HDAC9: variants seen among roughly 807,000 people sequenced by gnomAD.
HDAC9 encodes MEF-2 interacting transcription repressor (MITR) protein.
In HDAC9, 41 loss-of-function variants were observed where a neutral mutation model predicts 139.4. The observed-to-expected ratio is 0.29, with a 90% CI of 0.23 to 0.38. The LOEUF is 0.38. Ranked by LOEUF, HDAC9 falls within the 10% of genes least tolerant of loss-of-function variation. The pLI, the probability that HDAC9 is intolerant of heterozygous loss-of-function variation, is 1.00. For synonymous variants in HDAC9, 517 were observed against 476.2 expected (o/e 1.09, Z -1.12); for missense variants, 1,147 against 1,297.0 (o/e 0.88, Z 1.78).
intron 1 of HDAC9, among the ~76,000 whole-genome samples, chr7:18,450,277 C>A (rs765754881): frequency 6.6e-6 from 1 of 152,194 alleles, no homozygotes; most frequent in African/African-American, 2.4e-5. Context: ...GTGCCTGGTT[C>A]TAATTATTAC....
chr7:18,164,253 A>G (rs2128128813), intron 2 of HDAC9, among the ~76,000 whole-genome samples: 1 of 152,148 alleles, frequency 6.6e-6, no homozygotes. Flanking sequence ...ATGATCAGAG[A>G]CCTGAAATTC....
At chr7:18,610,097 C>G (rs1434767952) in intron 6 of HDAC9, among the ~76,000 whole-genome samples, 1 of 152,162 alleles carries the variant, frequency 6.6e-6, no homozygotes, top group Non-Finnish European at 1.5e-5. Context: ...AAGACACACG[C>G]ACACATATGT....
intron 12 of HDAC9, among the ~76,000 whole-genome samples, chr7:18,691,803 A>G (rs1782693239): frequency 6.6e-6 from 1 of 152,082 alleles, no homozygotes; most frequent in Non-Finnish European, 1.5e-5. Context: ...GCAGTGGTCA[A>G]AGAGGAAACC....
chr7:18,194,195 A>T (rs1790571440), intron 2 of HDAC9, among the ~76,000 whole-genome samples: 1 of 152,114 alleles, frequency 6.6e-6, no homozygotes, highest in South Asian at 2.1e-4. Context: ...ATTAAACATG[A>T]TATTTTGTAG....
chr7:18,878,767 C>A (rs554449060), intron 22 of HDAC9, among the ~76,000 whole-genome samples: 2 of 151,736 alleles, frequency 1.3e-5, no homozygotes, highest in African/African-American at 4.9e-5. Flanking sequence ...AAGATGCCTT[C>A]TCTCTACCAC....
chr7:18,171,758 C>G (rs2697915), intron 2 of HDAC9, among the ~76,000 whole-genome samples: 3,635 of 151,766 alleles, frequency 0.024, 147 homozygotes, highest in African/African-American at 0.082. Context: ...TTATTGATTT[C>G]CGTATGTTGA....
intron 1 of HDAC9, among the ~76,000 whole-genome samples, chr7:18,365,514 A>G (rs548827121): frequency 6.6e-6 from 1 of 152,202 alleles, no homozygotes; most frequent in East Asian, 1.9e-4. Flanking sequence ...GTGATGAATC[A>G]TTTTTGCAGT....
intron 2 of HDAC9, among the ~76,000 whole-genome samples, chr7:18,214,498 A>G (rs1488422478): frequency 6.6e-6 from 1 of 152,124 alleles, no homozygotes; most frequent in Non-Finnish European, 1.5e-5. Flanking sequence ...GATGAATTAT[A>G]ACTGATGTGC....
At chr7:18,215,158 CCAAA>C (rs1398758207) in intron 2 of HDAC9, among the ~76,000 whole-genome samples, 8 of 152,212 alleles carry the variant, frequency 5.3e-5, no homozygotes, top group Admixed American at 3.3e-4. Flanking sequence ...AATTTTATAT[CCAAA>C]CAATTACTGA....
chr7:18,950,223 C>A (rs1782697884), intron 23 of HDAC9, among the ~76,000 whole-genome samples: 1 of 152,050 alleles, frequency 6.6e-6, no homozygotes, highest in Non-Finnish European at 1.5e-5. Context: ...ATTGGCATGG[C>A]CATTCTGCCT....
intron 1 of HDAC9, among the ~76,000 whole-genome samples, chr7:18,135,225 A>G (rs928420045): frequency 1.5e-4 from 22 of 151,300 alleles, no homozygotes; most frequent in Non-Finnish European, 7.4e-5. Flanking sequence ...TCTTAGGAAG[A>G]TAATTGTGTT....
At chr7:18,689,232 A>G (rs539798415) in intron 12 of HDAC9, among the ~76,000 whole-genome samples, 2 of 120,420 alleles carry the variant, frequency 1.7e-5, no homozygotes, top group Admixed American at 1.0e-4. Context: ...TGCAACTTCC[A>G]AATGAATACA....
intron 2 of HDAC9, among the ~76,000 whole-genome samples, chr7:18,521,589 C>G (rs1034802010): frequency 1.3e-5 from 2 of 152,096 alleles, no homozygotes; most frequent in Non-Finnish European, 2.9e-5. Context: ...TCCCAAATGG[C>G]ATTTATCACC....
At chr7:18,877,770 G>A (rs113524625) in intron 22 of HDAC9, among the ~76,000 whole-genome samples, 1,743 of 152,180 alleles carry the variant, frequency 0.011, 36 homozygotes, top group African/African-American at 0.039. Flanking sequence ...ATATAGAGGT[G>A]ATTTAAAATT....
chr7:18,967,941 T>C (rs1445683530), intron 24 of HDAC9, among the ~76,000 whole-genome samples: 1 of 152,064 alleles, frequency 6.6e-6, no homozygotes, highest in Non-Finnish European at 1.5e-5. Flanking sequence ...GGCGGGCGGA[T>C]CACCTGGGGT....
chr7:18,901,774 A>G (rs1006973053), intron 22 of HDAC9, among the ~76,000 whole-genome samples: 26 of 152,162 alleles, frequency 1.7e-4, no homozygotes, highest in African/African-American at 5.3e-4. Flanking sequence ...TTGTTTCCAT[A>G]TATCAGTCCA....
chr7:18,792,969 T>G (rs1211751536), intron 16 of HDAC9, among the ~76,000 whole-genome samples: 1 of 152,164 alleles, frequency 6.6e-6, no homozygotes, highest in Non-Finnish European at 1.5e-5. Context: ...CTCTTAGTTT[T>G]TACTCTATCT....
At chr7:18,636,119 G>A (rs963703700) in intron 8 of HDAC9, among the ~76,000 whole-genome samples, 1 of 152,042 alleles carries the variant, frequency 6.6e-6, no homozygotes, top group Non-Finnish European at 1.5e-5. Flanking sequence ...TGAGTTTTGA[G>A]CTTTGGTTTT....
chr7:18,691,872 G>A (rs1303369934), intron 12 of HDAC9, among the ~76,000 whole-genome samples: 1 of 151,990 alleles, frequency 6.6e-6, no homozygotes, highest in Non-Finnish European at 1.5e-5. Context: ...TATGACCTTG[G>A]CATACCAGAG....
Sources: gnomAD v4.1 joint callset for allele counts (sites outside exome capture counted in the v4.1 genomes callset) on GRCh38, gnomAD v4.1.1 for gene constraint, MANE v1.5 for transcripts, NCBI Gene and HGNC (gene_info 2026-07-23, HGNC 2026-07-21) for gene names.